TLCD4: variants seen among roughly 807,000 people sequenced by gnomAD.
TLCD4 encodes the protein TLC domain containing 4.
Under a neutral mutation model 24.2 loss-of-function variants are expected in TLCD4, and 7 were observed. The ratio of observed to expected loss-of-function variants is 0.29; its 90% CI spans 0.16 to 0.54. The LOEUF is 0.54. Among genes scored for constraint, TLCD4 ranks in the 20% least tolerant of loss-of-function variants. The pLI is 0.95. For missense variants in TLCD4, 259 were observed against 313.9 expected (o/e 0.82, Z 1.32); for synonymous variants, 103 against 106.4 (o/e 0.97, Z 0.20).
rs375494158 is a variant in TLCD4 at position 95,123,922 on chromosome 1, A to G, written c.-12+6305A>G. 8.7e-4 allele frequency among the ~76,000 whole-genome samples: 132 copies of G among 152,292 alleles called. 2 individuals are homozygous for G. The South Asian group carries it at 0.026, about 30-fold the overall frequency. On this transcript the variant is annotated intron_variant, in intron 1 of 6. Coordinates refer to ENST00000370203, the MANE Select transcript of TLCD4 (RefSeq NM_152487.3). ...AATTCATTGGCATACTGCTTATTTT[A>G]TAATTCGGGTAACACAGTGTTATCA...
intron 1 of TLCD4, among the ~76,000 whole-genome samples, chr1:95,126,447 A>G (rs61773102): frequency 2.2e-5 from 3 of 138,796 alleles, no homozygotes; most frequent in Admixed American, 7.2e-5. Flanking sequence ...AAAAAAAAAA[A>G]GGCTGGTAAT....
intron 6 of TLCD4, among the ~76,000 whole-genome samples, chr1:95,178,760 T>C (rs1404016007): frequency 6.6e-6 from 1 of 152,172 alleles, no homozygotes; most frequent in African/African-American, 2.4e-5. Flanking sequence ...TCCTGTATTA[T>C]AGTCATTTTA....
At chr1:95,134,698 G>A (rs1676996977) in intron 1 of TLCD4, among the ~76,000 whole-genome samples, 1 of 152,158 alleles carries the variant, frequency 6.6e-6, no homozygotes, top group Admixed American at 6.5e-5. Context: ...TTTAAGTGTT[G>A]CCTGATGAAA....
the TLCD4 span, among the ~76,000 whole-genome samples, chr1:95,105,790 G>T: frequency 6.6e-6 from 1 of 151,540 alleles, no homozygotes; most frequent in Non-Finnish European, 1.5e-5. Context: ...AGCTACTCGC[G>T]AGGCTGAGAC....
At chr1:95,167,996 A>G (rs1230555111) in intron 5 of TLCD4, among the ~76,000 whole-genome samples, 1 of 151,992 alleles carries the variant, frequency 6.6e-6, no homozygotes, top group African/African-American at 2.4e-5. Context: ...CACCCCCACG[A>G]CCTGGTGTTG....
chr1:95,149,041 A>AT (rs1276582365), intron 3 of TLCD4, among the ~76,000 whole-genome samples: 1 of 152,188 alleles, frequency 6.6e-6, no homozygotes, highest in Non-Finnish European at 1.5e-5. Context: ...TAATTTAAAC[A>AT]TTTTTACTGT....
chr1:95,149,840 A>G (rs954692321), intron 3 of TLCD4, among the ~76,000 whole-genome samples: 6 of 152,200 alleles, frequency 3.9e-5, no homozygotes, highest in African/African-American at 1.4e-4. Flanking sequence ...CTCCAGGTCA[A>G]ATTTTCCTGG....
chr1:95,102,451 C>G, the TLCD4 span, among the ~76,000 whole-genome samples: 1 of 152,110 alleles, frequency 6.6e-6, no homozygotes, highest in South Asian at 2.1e-4. Context: ...ATTGAAGTCT[C>G]TAGATTGGGT....
At chr1:95,177,006 T>C (rs12098237) in intron 6 of TLCD4, among the ~76,000 whole-genome samples, 148,939 of 152,256 alleles carry the variant, frequency 0.98, 72,928 homozygotes, top group East Asian at 1. Flanking sequence ...CAGATACACC[T>C]TCTCTCAGTC....
chr1:95,114,645 C>A (rs965087898), upstream of TLCD4, among the ~76,000 whole-genome samples: 1 of 152,042 alleles, frequency 6.6e-6, no homozygotes, highest in Non-Finnish European at 1.5e-5. Flanking sequence ...GCCTAGCCAA[C>A]ATGGTGAAAC....
chr1:95,142,388 A>G (rs898335869), intron 1 of TLCD4, among the ~76,000 whole-genome samples: 103 of 150,408 alleles, frequency 6.8e-4, no homozygotes, highest in African/African-American at 2.4e-3. Context: ...TAAAAGTTAA[A>G]TTCTCATTTG....
intron 5 of TLCD4, among the ~76,000 whole-genome samples, chr1:95,168,049 T>TC (rs1161302388): frequency 6.6e-6 from 1 of 152,202 alleles, no homozygotes; most frequent in Non-Finnish European, 1.5e-5. Flanking sequence ...CTTAGACACT[T>TC]CCATCTATCG....
intron 5 of TLCD4, among the ~76,000 whole-genome samples, chr1:95,151,968 C>T (rs1349772890): frequency 5.9e-5 from 9 of 152,032 alleles, no homozygotes; most frequent in Admixed American, 3.3e-4. Context: ...CATATGTAAA[C>T]TAGCAACTTT....
intron 5 of TLCD4, among the ~76,000 whole-genome samples, chr1:95,169,525 T>C (rs1217363418): frequency 1.3e-5 from 2 of 152,234 alleles, no homozygotes; most frequent in African/African-American, 4.8e-5. Flanking sequence ...TTATCTGATA[T>C]TAATTTGGTA....
chr1:95,157,913 T>A (rs1677676747), intron 5 of TLCD4, among the ~76,000 whole-genome samples: 1 of 152,162 alleles, frequency 6.6e-6, no homozygotes, highest in Non-Finnish European at 1.5e-5. Context: ...TAAGACCACC[T>A]CTTGATACGA....
chr1:95,184,140 C>T (rs1437554271), intron 6 of TLCD4, among the ~76,000 whole-genome samples: 2 of 152,160 alleles, frequency 1.3e-5, no homozygotes, highest in Non-Finnish European at 2.9e-5. Flanking sequence ...CATCCAAATC[C>T]TTATTGGAGT....
chr1:95,151,554 T>A, intron 5 of TLCD4, 135 bp downstream of exon 5: 1 of 980,204 alleles, frequency 1.0e-6, no homozygotes, highest in Non-Finnish European at 1.5e-6. Context: ...ATTGCTTTTG[T>A]GGTATGCTAT....
chr1:95,107,574 C>T, the TLCD4 span, among the ~76,000 whole-genome samples: 2 of 152,082 alleles, frequency 1.3e-5, no homozygotes, highest in Non-Finnish European at 2.9e-5. Context: ...AGAGCAGGGG[C>T]TCTTTATACT....
intron 1 of TLCD4, among the ~76,000 whole-genome samples, chr1:95,131,838 G>T (rs1026015791): frequency 3.9e-5 from 6 of 152,162 alleles, no homozygotes; most frequent in Non-Finnish European, 7.4e-5. Context: ...AATTTGATTC[G>T]CAATGTATTG....
Sources: gnomAD v4.1 joint callset for allele counts (sites outside exome capture counted in the v4.1 genomes callset) on GRCh38, gnomAD v4.1.1 for gene constraint, MANE v1.5 for transcripts, NCBI Gene and HGNC (gene_info 2026-07-23, HGNC 2026-07-21) for gene names.